The following SEMA5A variants were observed in gnomAD, a reference collection of about 807,000 sequenced individuals.
The protein encoded by SEMA5A is semaphorin 5A, also known as semaphorin-5A.
In SEMA5A, 55 loss-of-function variants were observed where a neutral mutation model predicts 135.5. The ratio of observed to expected loss-of-function variants is 0.41; its 90% confidence interval spans 0.33 to 0.51. SEMA5A has a LOEUF of 0.51. SEMA5A is among the 20% of genes least tolerant of loss of function. SEMA5A has a pLI of 0.37. For synonymous variants in SEMA5A, 580 were observed against 546.5 expected (o/e 1.06, Z -0.85); for missense variants, 1,290 against 1,419.9 (o/e 0.91, Z 1.47).
At chr5:9,287,997 T>C (rs1050429656) in intron 5 of SEMA5A, among the ~76,000 whole-genome samples, 3 of 150,790 alleles carry the variant, frequency 2.0e-5, no homozygotes, top group African/African-American at 7.3e-5. Flanking sequence ...ATTGCTGTCT[T>C]CAAAAACACT....
At chr5:9,202,950 C>G (rs1485032023) in intron 8 of SEMA5A, among the ~76,000 whole-genome samples, 1 of 152,030 alleles carries the variant, frequency 6.6e-6, no homozygotes, top group Non-Finnish European at 1.5e-5. Context: ...GTTTTCTGGT[C>G]TCATAATTAG....
intron 6 of SEMA5A, among the ~76,000 whole-genome samples, chr5:9,230,667 G>C (rs780954011): frequency 1.3e-5 from 2 of 152,138 alleles, no homozygotes; most frequent in African/African-American, 2.4e-5. Flanking sequence ...ATCAGGCAAG[G>C]AGGTCTGTGC....
intron 1 of SEMA5A, among the ~76,000 whole-genome samples, chr5:9,451,717 A>G (rs899420758): frequency 4.6e-5 from 7 of 152,224 alleles, no homozygotes; most frequent in Non-Finnish European, 1.0e-4. Flanking sequence ...AGCTAAGAAG[A>G]TGCAAATTGA....
intron 22 of SEMA5A, chr5:9,043,369 C>G: frequency 4.9e-6 from 1 of 203,048 alleles, no homozygotes; most frequent in South Asian, 9.8e-5. Flanking sequence ...ATATATATAA[C>G]TAAATTCGTA....
At chr5:9,264,131 T>C (rs973061401) in intron 5 of SEMA5A, among the ~76,000 whole-genome samples, 1 of 152,182 alleles carries the variant, frequency 6.6e-6, no homozygotes, top group African/African-American at 2.4e-5. Flanking sequence ...TATGGTAAGA[T>C]AAGAAGAGAA....
chr5:9,215,086 C>T (rs1385866129), intron 8 of SEMA5A, among the ~76,000 whole-genome samples: 1 of 152,176 alleles, frequency 6.6e-6, no homozygotes, highest in East Asian at 1.9e-4. Context: ...ACATGTAAAA[C>T]AGCCCTCTGC....
chr5:9,050,516 T>C, intron 20 of SEMA5A, 59 bp from the exon 21 acceptor site: 1 of 1,338,790 alleles, frequency 7.5e-7, no homozygotes, highest in African/African-American at 1.5e-5. Context: ...CAGTCCACAT[T>C]CATGCTTCAT....
At chr5:9,098,973 A>G (rs113398700) in intron 16 of SEMA5A, among the ~76,000 whole-genome samples, 1 of 152,192 alleles carries the variant, frequency 6.6e-6, no homozygotes, top group African/African-American at 2.4e-5. Flanking sequence ...AGGCATAAAA[A>G]ATTTTTAAAA....
At chr5:9,241,314 A>C (rs1361301764) in intron 5 of SEMA5A, among the ~76,000 whole-genome samples, 1 of 152,116 alleles carries the variant, frequency 6.6e-6, no homozygotes, top group Non-Finnish European at 1.5e-5. Context: ...GTACCTACCA[A>C]ACAGAAGACA....
intron 5 of SEMA5A, among the ~76,000 whole-genome samples, chr5:9,250,597 C>T (rs1196009245): frequency 6.6e-6 from 1 of 152,158 alleles, no homozygotes; most frequent in African/African-American, 2.4e-5. Flanking sequence ...ATTTTTAAAA[C>T]AAATGGAAAA....
chr5:9,331,660 C>G (rs1753135441), intron 4 of SEMA5A, among the ~76,000 whole-genome samples: 1 of 152,154 alleles, frequency 6.6e-6, no homozygotes, highest in African/African-American at 2.4e-5. Flanking sequence ...ATAAAAGTTT[C>G]CTCCCTTGCC....
intron 5 of SEMA5A, among the ~76,000 whole-genome samples, chr5:9,272,078 T>G (rs1750005123): frequency 6.6e-6 from 1 of 152,026 alleles, no homozygotes; most frequent in African/African-American, 2.4e-5. Flanking sequence ...TTGGCAGGTT[T>G]CAACCCCACA....
chr5:9,302,091 C>G (rs1249648148), intron 5 of SEMA5A, among the ~76,000 whole-genome samples: 3 of 152,118 alleles, frequency 2.0e-5, no homozygotes, highest in East Asian at 3.9e-4. Context: ...GCTTGCTCCT[C>G]TGTGTGTGTG....
At chr5:9,537,551 C>T (rs148515154) in intron 1 of SEMA5A, among the ~76,000 whole-genome samples, 3 of 152,274 alleles carry the variant, frequency 2.0e-5, no homozygotes, top group African/African-American at 7.2e-5. Flanking sequence ...TAAATAACTC[C>T]TTACCACTCA....
At position 9,107,548 on chromosome 5, in the gene SEMA5A, T is replaced by C. The variant is rs76773237; in HGVS notation, c.2073+592A>G. ...TGTCCCAAACCGAATAGAGTAGCCA[T>C]ATATAAGCAGGCTGAAGGCTTTGTG... On this transcript the variant is annotated intron_variant, in intron 16 of 22. Coordinates refer to ENST00000382496, the MANE Select transcript of SEMA5A (RefSeq NM_003966.3). Among the ~76,000 whole-genome samples, 1,205 of 152,244 alleles carry C rather than the reference T, an allele frequency of 7.9e-3. 18 individuals are homozygous for C. Among genetic ancestry groups the C allele is most frequent in the African/African-American group, 0.026 (1,064 of 41,540 alleles).
chr5:9,410,208 G>A (rs1232850587), intron 2 of SEMA5A, among the ~76,000 whole-genome samples: 1 of 152,066 alleles, frequency 6.6e-6, no homozygotes, highest in Non-Finnish European at 1.5e-5. Context: ...AAAATCATAT[G>A]ATCATGTAGG....
chr5:9,309,703 G>C (rs1488609107), intron 5 of SEMA5A, among the ~76,000 whole-genome samples: 3 of 152,132 alleles, frequency 2.0e-5, no homozygotes, highest in Non-Finnish European at 2.9e-5. Context: ...CAGCTTCTAG[G>C]AGGGCGCAGT....
At chr5:9,342,657 G>A (rs1463693444) in intron 3 of SEMA5A, among the ~76,000 whole-genome samples, 5 of 152,170 alleles carry the variant, frequency 3.3e-5, no homozygotes, top group South Asian at 2.1e-4. Context: ...TTATGTAACC[G>A]ATTTAGTCTG....
chr5:9,449,385 T>TG (rs944715235), intron 1 of SEMA5A, among the ~76,000 whole-genome samples: 6 of 151,522 alleles, frequency 4.0e-5, no homozygotes, highest in South Asian at 2.1e-4. Context: ...CATGGATATA[T>TG]GGGGGGGAAC....
Sources: allele counts gnomAD v4.1 joint callset (sites outside exome capture counted in the v4.1 genomes callset), GRCh38; gene constraint gnomAD v4.1.1; transcripts MANE v1.5; gene names NCBI Gene and HGNC (gene_info 2026-07-23, HGNC 2026-07-21).